OTOF: variants seen among roughly 807,000 people sequenced by gnomAD.
OTOF encodes the protein fer-1-like family member 2.
In OTOF, 218 loss-of-function variants were observed where a neutral mutation model predicts 236.8. The ratio of observed to expected loss-of-function variants is 0.92; its 90% confidence interval spans 0.82 to 1.03. OTOF has a LOEUF of 1.03. Among genes scored for constraint, OTOF ranks in the 50% least tolerant of loss-of-function variants. The pLI, the probability that OTOF is intolerant of heterozygous loss-of-function variation, is 0.00. For missense variants in OTOF, 2,590 were observed against 2,694.4 expected, an observed-to-expected ratio of 0.96 and a Z score of 0.86; for synonymous variants, 1,041 against 1,072.5, an observed-to-expected ratio of 0.97 and a Z score of 0.57.
chr2:26,464,907 C>T lies in OTOF; in HGVS notation c.4922G>A (p.Arg1641His), dbSNP rs200283244. The change falls in exon 39 of 47, where the codon CGC becomes CAC. Residue 1641 changes from arginine to histidine, a missense_variant. Around this residue, in one of 2 missense-constraint regions of OTOF, gnomAD observed 1,211 missense variants for 1,352.8 expected, o/e 0.90. Transcript: ENST00000272371. ...AATCTCAGAGGGCCCAGTGAAGACGCGGTTGGCCACCTTCACTCTCCCAGG... is the reference window on the plus strand; with the variant it reads ...AATCTCAGAGGGCCCAGTGAAGACGTGGTTGGCCACCTTCACTCTCCCAGG... ...GPPGRVKVAN[R>H]VFTGPSEIED... is the part of the protein sequence containing the mutation. 4.8e-5 allele frequency: 77 copies of T among 1,597,470 alleles called. No individual in the cohort carries two copies. In the Admixed American group the frequency reaches 1.0e-3, roughly 22 times the overall value.
At position 26,520,030 on chromosome 2, in the gene OTOF, G is replaced by A. The variant is rs1027330453; in HGVS notation, c.228-921C>T. On this transcript the variant is annotated intron_variant, in intron 3 of 46. Transcript: ENST00000272371. Reference sequence around the variant, plus strand: ...TGGCTGAATTAATGAACAACAGTGGGTGCCCAATAAATGCTGATGGAGTTG... The same window carrying A: ...TGGCTGAATTAATGAACAACAGTGGATGCCCAATAAATGCTGATGGAGTTG... Among the ~76,000 whole-genome samples the A allele has an allele frequency of 3.3e-5, 5 of 152,312 alleles. No homozygotes were observed. In the East Asian group the frequency reaches 9.6e-4, roughly 29 times the overall value.
intron 6 of OTOF, 89 bp from the exon 7 acceptor site, chr2:26,502,515 G>T: frequency 7.1e-7 from 1 of 1,406,526 alleles, no homozygotes. Context: ...AGAAAGCTGA[G>T]AGTTAAATTC....
In OTOF at chr2:26,467,162, C is replaced by G; in HGVS notation, c.4299G>C (p.Arg1433=). Residue 1433 remains arginine, a synonymous_variant, in exon 35 of 47, where the codon CGG becomes CGC. Coordinates refer to ENST00000272371, the MANE Select transcript of OTOF (RefSeq NM_194248.3). ...CATCCTCATCATCCCCGGTCTTGCCCCGAAGCAAGTTGAAAGTGTGCAGCC... is the reference window on the plus strand; with the variant it reads ...CATCCTCATCATCCCCGGTCTTGCCGCGAAGCAAGTTGAAAGTGTGCAGCC... The part of the protein sequence containing the change: ...EDWLHTFNLL[R]GKTGDDEDGS... 1 of 1,614,092 alleles carries G rather than the reference C, an allele frequency of 6.2e-7. No individual in the cohort carries two copies. The highest frequency in any genetic ancestry group is 8.5e-7 in the Non-Finnish European group (1 of 1,180,012).
In OTOF at chr2:26,489,746, G is replaced by C. The variant is rs199687628; in HGVS notation, c.898-6C>G. On this transcript the variant is annotated splice_region_variant and splice_polypyrimidine_tract_variant and intron_variant, in intron 9 of 46. Transcript: ENST00000272371. ...TGGAAGTCGAAGACGAAGTACTGGA[G>C]GGGGAAGGATCCAGGCCTGCTGTCA... The C allele has an allele frequency of 2.3e-4, 363 of 1,610,760 alleles. 2 individuals carry two copies. The highest frequency in any genetic ancestry group is 1.8e-4 in the Non-Finnish European group (217 of 1,178,070).
In OTOF at chr2:26,461,218, C is replaced by G. The variant is rs1209826895; in HGVS notation, c.5534-188G>C. On this transcript the variant is annotated intron_variant, in intron 43 of 46. Transcript: ENST00000272371. The surrounding 1 kb of genome is among the most constrained non-coding windows in gnomAD (Gnocchi z 6.2). ...ATCCTCGTGGGCTTGCTAGGCAGCC[C>G]CAGCCCCCATGCTTTACTCAGGTCC... Among the ~76,000 whole-genome samples, 2 of 152,150 alleles carry G rather than the reference C, an allele frequency of 1.3e-5. No homozygotes were observed. The highest frequency in any genetic ancestry group is 2.9e-5 in the Non-Finnish European group (2 of 68,014).
intron 9 of OTOF, among the ~76,000 whole-genome samples, chr2:26,491,114 G>T (rs901200947): frequency 2.0e-5 from 3 of 152,184 alleles, no homozygotes; most frequent in Non-Finnish European, 4.4e-5. Flanking sequence ...CCGGGGAGAT[G>T]GAGCTGGAGA....
At chr2:26,530,788 A>G (rs1666928401) in intron 2 of OTOF, among the ~76,000 whole-genome samples, 1 of 152,012 alleles carries the variant, frequency 6.6e-6, no homozygotes, top group African/African-American at 2.4e-5. Flanking sequence ...CTGGAACTGC[A>G]ATCCATTCCA....
chr2:26,557,449 C>T (rs1425843931), intron 1 of OTOF, among the ~76,000 whole-genome samples: 1 of 152,192 alleles, frequency 6.6e-6, no homozygotes, highest in Non-Finnish European at 1.5e-5. Flanking sequence ...CCTGGCCCTG[C>T]CTTTCCCCAC....
chr2:26,499,276 A>G (rs1666061375), intron 8 of OTOF, among the ~76,000 whole-genome samples: 1 of 152,110 alleles, frequency 6.6e-6, no homozygotes, highest in South Asian at 2.1e-4. Flanking sequence ...AAATGGAAGA[A>G]ACAAAGAGCA....
intron 8 of OTOF, among the ~76,000 whole-genome samples, chr2:26,498,285 C>T (rs759758307): frequency 1.8e-4 from 28 of 152,020 alleles, no homozygotes; most frequent in Admixed American, 1.6e-3. Context: ...GAAGGAGCAA[C>T]GGAGGGAAGA....
Position 26,477,014 on chromosome 2 carries a change from G to A in OTOF, c.2553C>T (p.Ile851=), listed in dbSNP as rs1348824501. ...EPQHSIPDIF[I]WMMSNNKRVA... is the part of the protein sequence containing the mutation. ...CACGCTTGTTGTTGCTCATCATCCA[G>A]ATGAAGATGTCGGGAATGCTGTGCT... The change falls in exon 22 of 47, where the codon ATC becomes ATT. Residue 851 remains isoleucine (I), a synonymous_variant. Coordinates refer to ENST00000272371, the MANE Select transcript of OTOF (RefSeq NM_194248.3). This position sits in a 1 kb window ranked among gnomAD's most constrained non-coding sequence, Gnocchi z 4.7. 4 of 1,601,888 alleles carry A rather than the reference G, an allele frequency of 2.5e-6. No individual in the cohort carries two copies. The highest frequency in any genetic ancestry group is 2.7e-5 in the African/African-American group (2 of 74,598).
At chr2:26,553,898 C>T (rs751028809) in intron 1 of OTOF, among the ~76,000 whole-genome samples, 92 of 152,078 alleles carry the variant, frequency 6.0e-4, no homozygotes, top group Non-Finnish European at 9.3e-4. Flanking sequence ...CTTGACTGGG[C>T]GCAGTGGCTC....
At position 26,516,538 on chromosome 2, in the gene OTOF, T is replaced by C; in HGVS notation, c.389A>G (p.Asp130Gly). 1 of 1,612,816 alleles carries C rather than the reference T, an allele frequency of 6.2e-7. No individual in the cohort carries two copies. The highest frequency in any genetic ancestry group is 8.5e-7 in the Non-Finnish European group (1 of 1,179,980). ...ATDGTVGSWD[D>G]GDFLGDESLQ... ...AGACTCATCTCCCAGGAAGTCCCCA[T>C]CGTCCCAGGAGCCCACTGTGCCGTC... Residue 130 changes from aspartate (D) to glycine (G), a missense_variant, in exon 5 of 47, where the codon GAT becomes GGT. Physicochemically the swap from Asp to Gly is moderately conservative, Grantham distance 94. Coordinates refer to ENST00000272371, the MANE Select transcript of OTOF (RefSeq NM_194248.3).
rs1558488976 is a variant in OTOF, at chr2:26,480,251, T to C, written c.1864A>G (p.Ile622Val). 2 of 1,613,196 alleles carry C rather than the reference T, an allele frequency of 1.2e-6. No homozygotes were observed. Among genetic ancestry groups the C allele is most frequent in the East Asian group, 4.5e-5 (2 of 44,884 alleles). ...LFGAFLEASM[I>V]DRRNGDKPIT... The stretch of plus-strand genomic sequence containing the variant: ...GGCTTGTCTCCGTTTCTCCGGTCGA[T>C]CATTGAGGCCTCCAGGAAGGCTCCA... Residue 622 changes from isoleucine to valine, a missense_variant, in exon 16 of 47, where the codon ATC becomes GTC. Transcript: ENST00000272371.
rs1403112959 is a variant in OTOF, at chr2:26,482,563, A to T, written c.1422T>A (p.Tyr474Ter). ...KGKTSVQKSS[Y>*]EPLWNEQVVF... is the part of the protein sequence containing the mutation. Reference sequence around the variant, plus strand: ...CGACCTGCTCATTCCACAGGGGCTCATAGCTGCTCTTCTGCACTGAAGTCT... The same window carrying T: ...CGACCTGCTCATTCCACAGGGGCTCTTAGCTGCTCTTCTGCACTGAAGTCT... Residue 474 changes from tyrosine to a stop codon, truncating the protein, a stop_gained, in exon 14 of 47, where the codon TAT (tyrosine) becomes TAA (stop). Coordinates refer to ENST00000272371, the MANE Select transcript of OTOF (RefSeq NM_194248.3). LOFTEE classifies it high-confidence loss of function. 1.2e-6 allele frequency: 2 copies of T among 1,613,156 alleles called. No individual in the cohort carries two copies. The highest frequency in any genetic ancestry group is 4.5e-5 in the East Asian group (2 of 44,902).
intron 3 of OTOF, among the ~76,000 whole-genome samples, chr2:26,520,591 G>C (rs1463869015): frequency 6.6e-6 from 1 of 152,160 alleles, no homozygotes; most frequent in Non-Finnish European, 1.5e-5. Flanking sequence ...TGGGCTTCTG[G>C]GCCCTTAGAG....
Position 26,462,028 on chromosome 2 carries a change from CG to C in OTOF, c.5291+54del. 6.2e-7 allele frequency: 1 copy of C among 1,612,336 alleles called. No homozygotes were observed. The highest frequency in any genetic ancestry group is 1.3e-5 in the African/African-American group (1 of 74,988). On this transcript the variant is annotated intron_variant, in intron 42 of 46. Coordinates refer to ENST00000272371, the MANE Select transcript of OTOF (RefSeq NM_194248.3). The surrounding 1 kb of genome is among the most constrained non-coding windows in gnomAD (Gnocchi z 4.7). ...TCCCTCTGCCTCCTCTCCTGCCCCC[CG>C]GGAAGCAAGCCCCACCCAGCTCAGT...
At chr2:26,518,574 C>T (rs1252907527) in intron 4 of OTOF, among the ~76,000 whole-genome samples, 8 of 152,254 alleles carry the variant, frequency 5.3e-5, no homozygotes, top group Non-Finnish European at 7.3e-5. Flanking sequence ...CGCGTGCTCA[C>T]GCAAAAGTGC....
intron 9 of OTOF, among the ~76,000 whole-genome samples, chr2:26,491,201 T>C (rs1189825576): frequency 6.6e-6 from 1 of 151,860 alleles, no homozygotes; most frequent in Admixed American, 6.6e-5. Flanking sequence ...AACTGGGTGA[T>C]CAAGGGAGAG....
Sources: allele counts gnomAD v4.1 joint callset (sites outside exome capture counted in the v4.1 genomes callset), GRCh38; gene constraint gnomAD v4.1.1; regional missense constraint gnomAD v4.1.1; non-coding constraint Gnocchi (gnomAD v3.1); transcripts MANE v1.5; gene names NCBI Gene and HGNC (gene_info 2026-07-23, HGNC 2026-07-21).